GPSM1: variants seen among roughly 807,000 people sequenced by gnomAD.
GPSM1 encodes G protein-signaling modulator 1.
Under a neutral mutation model 70.5 loss-of-function variants are expected in GPSM1, and 48 were observed. That is an observed-to-expected ratio of 0.68 (90% CI 0.54 to 0.87). GPSM1 has a LOEUF of 0.87. Among genes scored for constraint, GPSM1 ranks in the 40% least tolerant of loss-of-function variants. The probability of loss-of-function intolerance (pLI) is 0.00; values close to 1 mark genes in which losing one functional copy is unlikely to be tolerated. For missense variants in GPSM1, 981 were observed against 972.6 expected, an observed-to-expected ratio of 1.01 and a Z score of -0.11; for synonymous variants, 416 against 430.1, an observed-to-expected ratio of 0.97 and a Z score of 0.41.
chr9:136,327,918 G>C (rs917762872), intron 1 of GPSM1, among the ~76,000 whole-genome samples, 155 bp downstream of exon 1: 1 of 151,992 alleles, frequency 6.6e-6, no homozygotes, highest in Non-Finnish European at 1.5e-5. Flanking sequence ...AGCCCAGCCC[G>C]GCGTGTGCCC....
intron 1 of GPSM1, among the ~76,000 whole-genome samples, chr9:136,333,555 G>A (rs2131393815): frequency 6.6e-6 from 1 of 152,320 alleles, no homozygotes. Context: ...CAGGGTGAGG[G>A]GTTTCTTCTC....
chr9:136,331,224 G>A (rs1396482220), intron 1 of GPSM1, among the ~76,000 whole-genome samples: 2 of 152,152 alleles, frequency 1.3e-5, no homozygotes, highest in South Asian at 2.1e-4. Context: ...CAAGCCCCAC[G>A]ACCTGGGGAG....
At chr9:136,339,049 G>T (rs1554769781) in intron 7 of GPSM1, among the ~76,000 whole-genome samples, 1 of 152,214 alleles carries the variant, frequency 6.6e-6, no homozygotes, top group African/African-American at 2.4e-5. Context: ...TCTGGGGTGG[G>T]TGGTGGCCGG....
In GPSM1 at chr9:136,348,635, C is replaced by T. The variant is rs1832582821; in HGVS notation, c.1208-62C>T. 7 of 1,313,184 alleles carry T rather than the reference C, an allele frequency of 5.3e-6. No homozygotes were observed. The Admixed American group carries it at 1.4e-4, about 26-fold the overall frequency. The allele number at this position is 1,313,184 out of a possible 1,614,324, so 81.3% of individuals were successfully genotyped here. On this transcript the variant is annotated intron_variant, in intron 9 of 13. Coordinates refer to ENST00000440944, the MANE Select transcript of GPSM1 (RefSeq NM_001145638.3). ...TCCTTGGCCCCCCAGAGACTCTGGC[C>T]TGGCCCACCCAATGCGAGGTGCCAG...
At chr9:136,333,709 G>A (rs868942039) in intron 1 of GPSM1, among the ~76,000 whole-genome samples, 1 of 152,184 alleles carries the variant, frequency 6.6e-6, no homozygotes, top group Admixed American at 6.5e-5. Flanking sequence ...CCACAGCAGC[G>A]CTGGGGGTGG....
intron 9 of GPSM1, among the ~76,000 whole-genome samples, chr9:136,344,711 G>C (rs1260975266): frequency 1.4e-5 from 2 of 143,124 alleles, no homozygotes; most frequent in African/African-American, 5.0e-5. Flanking sequence ...AGTCTGGGCA[G>C]AGATAACAGC....
intron 11 of GPSM1, among the ~76,000 whole-genome samples, chr9:136,354,323 G>C (rs1399418744): frequency 6.6e-6 from 1 of 152,216 alleles, no homozygotes; most frequent in Non-Finnish European, 1.5e-5. Flanking sequence ...ACTGGAAGCA[G>C]GACGGGAGCC....
intron 9 of GPSM1, among the ~76,000 whole-genome samples, chr9:136,344,451 G>A (rs1192225252): frequency 6.6e-6 from 1 of 152,218 alleles, no homozygotes; most frequent in Non-Finnish European, 1.5e-5. Flanking sequence ...AGCCTCTTCC[G>A]GGCTGGCAGA....
chr9:136,337,309 G>A lies in GPSM1; in HGVS notation c.579-132G>A. ...GGTCTCAGAGCTCGAGGACCCTGGA[G>A]CCTACCCTAGCCACCCTCTTTCCAG... On this transcript the variant is annotated intron_variant, in intron 4 of 13. Coordinates refer to ENST00000440944, the MANE Select transcript of GPSM1 (RefSeq NM_001145638.3). 3 of 1,388,956 alleles carry A rather than the reference G, an allele frequency of 2.2e-6. No individual in the cohort carries two copies. The Admixed American group carries it at 7.1e-5, about 33-fold the overall frequency. The allele number at this position is 1,388,956 out of a possible 1,614,324, so 86.0% of individuals were successfully genotyped here.
Position 136,355,841 on chromosome 9 carries a change from G to A in GPSM1, c.1607G>A (p.Arg536Lys). The A allele has an allele frequency of 6.2e-7, 1 of 1,606,928 alleles. No homozygotes were observed. The highest frequency in any genetic ancestry group is 8.5e-7 in the Non-Finnish European group (1 of 1,176,280). Residue 536 changes from arginine to lysine, a missense_variant, in exon 12 of 14, where the codon AGG becomes AAG. By Grantham distance (26) the Arg-to-Lys change is conservative (BLOSUM62 2). Transcript: ENST00000440944. ...ACGGCCGCCCCCACCCTGGAGGACA[G>A]GATCGGTGAGTGCCCCCCTCAGCCG... is the stretch of plus-strand genomic sequence containing the variant. ...EATAAPTLED[R>K]IAQPSMTASP... is the part of the protein sequence containing the mutation.
chr9:136,358,250 GC>G lies in GPSM1; in HGVS notation c.*35del. ...CTGTGCCCACCGCCAGGCCCACCCTGCCCCCACTCCTGGACGCCGGTCTCAC... is the reference window on the plus strand; with the variant it reads ...CTGTGCCCACCGCCAGGCCCACCCTGCCCCACTCCTGGACGCCGGTCTCAC... On this transcript the variant is annotated 3_prime_UTR_variant, in exon 14 of 14. Coordinates refer to ENST00000440944, the MANE Select transcript of GPSM1 (RefSeq NM_001145638.3). 1 of 1,509,538 alleles carries G rather than the reference GC, an allele frequency of 6.6e-7. No homozygotes were observed. The highest frequency in any genetic ancestry group is 8.9e-7 in the Non-Finnish European group (1 of 1,124,360). The allele number at this position is 1,509,538 out of a possible 1,614,324, so 93.5% of individuals were successfully genotyped here.
chr9:136,347,581 GC>G (rs1347935811), intron 9 of GPSM1, among the ~76,000 whole-genome samples: 14 of 152,322 alleles, frequency 9.2e-5, no homozygotes, highest in Admixed American at 2.6e-4. Flanking sequence ...ACGTTCTGCT[GC>G]CCTTTCCACA....
intron 11 of GPSM1, among the ~76,000 whole-genome samples, chr9:136,352,115 TGCGCCGTTGCTGTTGGTG>T (rs1564355170): frequency 7.1e-6 from 1 of 141,180 alleles, no homozygotes; most frequent in African/African-American, 2.6e-5. Flanking sequence ...ACACCAATGC[TGCGCCGTTGCTGTTGGTG>T]ACACCAATGC....
At chr9:136,338,457 G>A (rs1554769654) in intron 6 of GPSM1, 98 bp from the exon 7 acceptor site, 1 of 1,201,746 alleles carries the variant, frequency 8.3e-7, no homozygotes, top group East Asian at 2.5e-5. Context: ...TGGGATTCCG[G>A]GGCAGGGGAC....
Position 136,334,666 on chromosome 9 carries a change from G to A in GPSM1, c.288G>A (p.Ala96=), listed in dbSNP as rs1554768945. Reference sequence around the variant, plus strand: ...ACCACAAGCATGACCTCCTGCTGGCGCGGTGAGTGGGGACGGTCCTGCTGG... The same window carrying A: ...ACCACAAGCATGACCTCCTGCTGGCACGGTGAGTGGGGACGGTCCTGCTGG... ...LEYHKHDLLL[A]RTIGDRMGEA... Residue 96 remains alanine, a splice_region_variant and synonymous_variant, in exon 2 of 14, where the codon GCG becomes GCA. Coordinates refer to ENST00000440944, the MANE Select transcript of GPSM1 (RefSeq NM_001145638.3). 7 of 1,607,674 alleles carry A rather than the reference G, an allele frequency of 4.4e-6. No individual in the cohort carries two copies. Among genetic ancestry groups the A allele is most frequent in the South Asian group, 3.3e-5 (3 of 90,992 alleles).
chr9:136,338,584 G>A lies in GPSM1; in HGVS notation c.848G>A (p.Arg283Lys), dbSNP rs782194494. 6 of 1,611,460 alleles carry A rather than the reference G, an allele frequency of 3.7e-6. No individual in the cohort carries two copies. In the Admixed American group the frequency reaches 6.7e-5, roughly 18 times the overall value. Residue 283 changes from arginine to lysine, a missense_variant, in exon 7 of 14, where the codon AGG (arginine) becomes AAG (lysine). Physicochemically the swap from Arg to Lys is conservative, Grantham distance 26 (BLOSUM62 2). Transcript: ENST00000440944. Reference protein sequence around the residue: ...KKTLQLSRQLRDQAVEAQACY... With the variant: ...KKTLQLSRQLKDQAVEAQACY... ...ACGCTGCAACTGTCTCGGCAGCTCA[G>A]GGACCAGGCAGTGGAGGCGCAGGCC...
chr9:136,349,608 C>T lies in GPSM1; in HGVS notation c.1300C>T (p.His434Tyr). ...LEREQNGDSH[H>Y]SGDWRGPSRD... Reference sequence around the variant, plus strand: ...CCAGGAGCAGAATGGAGACAGCCACCATTCAGGGGACTGGCGGGGGCCCAG... The same window carrying T: ...CCAGGAGCAGAATGGAGACAGCCACTATTCAGGGGACTGGCGGGGGCCCAG... The change falls in exon 11 of 14, where the codon CAT (histidine) becomes TAT (tyrosine). Residue 434 changes from histidine (H) to tyrosine (Y), a missense_variant. By Grantham distance (83) the His-to-Tyr change is moderately conservative. Coordinates refer to ENST00000440944, the MANE Select transcript of GPSM1 (RefSeq NM_001145638.3). The T allele has an allele frequency of 2.6e-6, 4 of 1,550,340 alleles. No homozygotes were observed. Among genetic ancestry groups the T allele is most frequent in the Non-Finnish European group, 3.5e-6 (4 of 1,146,826 alleles).
At chr9:136,330,394 C>G (rs563767284) in intron 1 of GPSM1, among the ~76,000 whole-genome samples, 48 of 152,140 alleles carry the variant, frequency 3.2e-4, no homozygotes, top group South Asian at 4.1e-4. Context: ...CTCCCCTGTC[C>G]CCGTCCTGGG....
intron 13 of GPSM1, among the ~76,000 whole-genome samples, chr9:136,357,314 T>C (rs2131419201): frequency 6.6e-6 from 1 of 152,300 alleles, no homozygotes; most frequent in African/African-American, 2.4e-5. Context: ...TTTCCAGGTC[T>C]GCCGTCCTCC....
Sources: gnomAD v4.1 joint callset for allele counts (sites outside exome capture counted in the v4.1 genomes callset) on GRCh38, gnomAD v4.1.1 for gene constraint, MANE v1.5 for transcripts, NCBI Gene and HGNC (gene_info 2026-07-23, HGNC 2026-07-21) for gene names.